The following LRRTM3 variants were observed in gnomAD, a reference collection of about 807,000 sequenced individuals.
The protein encoded by LRRTM3 is leucine-rich repeat transmembrane neuronal protein 3.
Under a neutral mutation model 44.7 loss-of-function variants are expected in LRRTM3, and 24 were observed. That is an observed-to-expected ratio of 0.54 (90% CI 0.39 to 0.76). LRRTM3 has a LOEUF of 0.76. LRRTM3 is among the 30% of genes least tolerant of loss of function. The pLI, the probability that LRRTM3 is intolerant of heterozygous loss-of-function variation, is 0.00. For missense variants in LRRTM3, 587 were observed against 702.2 expected (o/e 0.84, Z 1.85); for synonymous variants, 277 against 278.7 (o/e 0.99, Z 0.06).
In LRRTM3 at chr10:66,928,213, G is replaced by A; in HGVS notation, c.1297G>A (p.Val433Ile). 4 of 1,614,064 alleles carry A rather than the reference G, an allele frequency of 2.5e-6. No individual in the cohort carries two copies. The highest frequency in any genetic ancestry group is 3.4e-6 in the Non-Finnish European group (4 of 1,180,042). Residue 433 changes from valine to isoleucine, a missense_variant, in exon 2 of 3, where the codon GTC becomes ATC. By Grantham distance (29) the Val-to-Ile change is conservative. Transcript: ENST00000361320. ...CGTGGCGCTTTTCCTGTCCGTGCTCGTCATCCTGCTGGTTATCTACGTGTC... is the reference window on the plus strand; with the variant it reads ...CGTGGCGCTTTTCCTGTCCGTGCTCATCATCCTGCTGGTTATCTACGTGTC... ...GSVALFLSVL[V>I]ILLVIYVSWK...
chr10:67,091,803 G>C (rs1811591564), intron 2 of LRRTM3, among the ~76,000 whole-genome samples: 1 of 152,008 alleles, frequency 6.6e-6, no homozygotes, highest in Non-Finnish European at 1.5e-5. Context: ...AGTAGATTAA[G>C]CTGACTTAAT....
intron 2 of LRRTM3, among the ~76,000 whole-genome samples, chr10:67,046,196 T>TG (rs1485297085): frequency 1.3e-5 from 2 of 152,240 alleles, no homozygotes; most frequent in African/African-American, 4.8e-5. Flanking sequence ...ACATAGTTAA[T>TG]GGGGTTTCAA....
At chr10:66,992,773 G>C (rs1317609685) in intron 2 of LRRTM3, among the ~76,000 whole-genome samples, 3 of 151,586 alleles carry the variant, frequency 2.0e-5, no homozygotes, top group African/African-American at 7.3e-5. Flanking sequence ...TTTCCTTATG[G>C]ATACTTCTCA....
At chr10:67,054,603 C>G (rs1216026139) in intron 2 of LRRTM3, 1 of 152,200 alleles carries the variant, frequency 6.6e-6, no homozygotes, top group African/African-American at 2.4e-5. Context: ...TTTCTTACCA[C>G]TCTTCCTTCC....
intron 2 of LRRTM3, among the ~76,000 whole-genome samples, chr10:67,049,007 G>A (rs1589660407): frequency 7.1e-6 from 1 of 140,770 alleles, no homozygotes; most frequent in Non-Finnish European, 1.5e-5. Context: ...TTATTTTATA[G>A]CAAAAATTTA....
intron 2 of LRRTM3, among the ~76,000 whole-genome samples, chr10:66,978,240 T>G (rs1216250476): frequency 6.6e-6 from 1 of 151,926 alleles, no homozygotes; most frequent in Non-Finnish European, 1.5e-5. Flanking sequence ...AATATTGTAT[T>G]GTGGGCCAAG....
At chr10:67,045,603 G>A (rs988083080) in intron 2 of LRRTM3, among the ~76,000 whole-genome samples, 5 of 152,170 alleles carry the variant, frequency 3.3e-5, no homozygotes, top group Non-Finnish European at 4.4e-5. Context: ...CGGGCAAGGG[G>A]GCAGCTGCCT....
chr10:67,082,468 A>C (rs1857101451), intron 2 of LRRTM3, among the ~76,000 whole-genome samples: 2 of 152,188 alleles, frequency 1.3e-5, no homozygotes, highest in African/African-American at 4.8e-5. Context: ...ACCCCCAAGC[A>C]GATTTTGCAA....
chr10:67,074,554 G>A (rs757504546), intron 2 of LRRTM3, among the ~76,000 whole-genome samples: 19 of 150,114 alleles, frequency 1.3e-4, no homozygotes, highest in Non-Finnish European at 2.2e-4. Flanking sequence ...GTTTCACCAT[G>A]TTAGCCAGGA....
chr10:66,968,847 T>C (rs2132815410), intron 2 of LRRTM3, among the ~76,000 whole-genome samples: 1 of 151,938 alleles, frequency 6.6e-6, no homozygotes, highest in East Asian at 1.9e-4. Context: ...TGAAACCCTG[T>C]CTCTACCAAA....
intron 2 of LRRTM3, among the ~76,000 whole-genome samples, chr10:66,932,310 T>G (rs1847448699): frequency 6.6e-6 from 1 of 152,200 alleles, no homozygotes; most frequent in Non-Finnish European, 1.5e-5. Context: ...CCTTGACATT[T>G]ACCAAAATGA....
Position 67,100,579 on chromosome 10 carries a change from T to C in LRRTM3, c.*2783T>C, listed in dbSNP as rs988443269. 1.3e-5 allele frequency among the ~76,000 whole-genome samples: 2 copies of C among 151,678 alleles called. No individual in the cohort carries two copies. The highest frequency in any genetic ancestry group is 3.0e-5 in the Non-Finnish European group (2 of 67,784). ...ATTTCCTCCTTCTAACCCCCATTCC[T>C]ATGTCTCCCTTCCTGTCTATTCCTC... On this transcript the variant is annotated 3_prime_UTR_variant, in exon 3 of 3. Coordinates refer to ENST00000361320, the MANE Select transcript of LRRTM3 (RefSeq NM_178011.5).
chr10:66,978,104 T>C (rs1277640574), intron 2 of LRRTM3, among the ~76,000 whole-genome samples: 1 of 151,508 alleles, frequency 6.6e-6, no homozygotes, highest in Non-Finnish European at 1.5e-5. Flanking sequence ...GCGATGACGT[T>C]CCTGAAAATA....
At chr10:66,994,788 A>T (rs1851238003) in intron 2 of LRRTM3, among the ~76,000 whole-genome samples, 1 of 152,202 alleles carries the variant, frequency 6.6e-6, no homozygotes, top group Non-Finnish European at 1.5e-5. Context: ...TCTAATAATT[A>T]TTGTGAAGAA....
At chr10:66,970,937 A>G (rs1205010897) in intron 2 of LRRTM3, among the ~76,000 whole-genome samples, 2 of 152,202 alleles carry the variant, frequency 1.3e-5, no homozygotes, top group Admixed American at 6.5e-5. Context: ...AGTGAAATAG[A>G]AAGAAGTTAT....
At chr10:66,972,690 T>G (rs959989626) in intron 2 of LRRTM3, among the ~76,000 whole-genome samples, 14 of 146,652 alleles carry the variant, frequency 9.5e-5, no homozygotes, top group South Asian at 8.6e-4. Context: ...TTAAAGGTTC[T>G]GTCAAATAGA....
At chr10:66,932,121 T>A (rs1302016128) in intron 2 of LRRTM3, among the ~76,000 whole-genome samples, 1 of 152,100 alleles carries the variant, frequency 6.6e-6, no homozygotes, top group Non-Finnish European at 1.5e-5. Context: ...CTCCCCCTTT[T>A]CAGCCAGCTG....
rs192679282 is a variant in LRRTM3, at chr10:67,101,394, A to T, written c.*3598A>T. ...CTTTTTCTTTTTTTCTTTTGGCAAG[A>T]TTTCTTCTTAAACCATGAAATTTTT... On this transcript the variant is annotated 3_prime_UTR_variant, in exon 3 of 3. Coordinates refer to ENST00000361320, the MANE Select transcript of LRRTM3 (RefSeq NM_178011.5). Among the ~76,000 whole-genome samples, 1 of 151,726 alleles carries T rather than the reference A, an allele frequency of 6.6e-6. No individual in the cohort carries two copies. Among genetic ancestry groups the T allele is most frequent in the African/African-American group, 2.4e-5 (1 of 41,470 alleles).
chr10:67,018,218 T>C (rs1489725829), intron 2 of LRRTM3, among the ~76,000 whole-genome samples: 1 of 152,240 alleles, frequency 6.6e-6, no homozygotes, highest in Non-Finnish European at 1.5e-5. Flanking sequence ...TCCACTTTCA[T>C]TTATTTTTAC....
Sources: gnomAD v4.1 joint callset for allele counts (sites outside exome capture counted in the v4.1 genomes callset) on GRCh38, gnomAD v4.1.1 for gene constraint, MANE v1.5 for transcripts, NCBI Gene and HGNC (gene_info 2026-07-23, HGNC 2026-07-21) for gene names.